The following FHIT variants were observed in gnomAD, a reference collection of about 807,000 sequenced individuals.
FHIT encodes bis(5'-adenosyl)-triphosphatase.
A neutral mutation model predicts 17.9 loss-of-function variants in FHIT; 19 were observed. The observed-to-expected ratio is 1.06, with a 90% CI of 0.74 to 1.56. The LOEUF is 1.56. Ranked by LOEUF, FHIT falls within the 40% of genes most tolerant of loss-of-function variation. The pLI is 0.00. For synonymous variants in FHIT, 81 were observed against 69.7 expected (o/e 1.16, Z -0.81); for missense variants, 248 against 189.2 (o/e 1.31, Z -1.82).
rs2106891079 is a variant in FHIT, at chr3:60,846,776, T to C, written c.-110-24765A>G. On this transcript the variant is annotated intron_variant, in intron 3 of 9. Transcript: ENST00000492590. The stretch of plus-strand genomic sequence containing the variant: ...ATTCACATTTCATAACTTGGACATA[T>C]GCATTAATGGATGTATTTGTCATTG... Among the ~76,000 whole-genome samples, 2 of 152,270 alleles carry C rather than the reference T, an allele frequency of 1.3e-5. 1 individual carries two copies. The highest frequency in any genetic ancestry group is 4.1e-4 in the South Asian group (2 of 4,820).
rs1437843488 is a variant in FHIT at position 59,747,552 on chromosome 3, G to GGTAT, written c.*2029_*2032dup. On this transcript the variant is annotated 3_prime_UTR_variant, in exon 10 of 10. Transcript: ENST00000492590. ...GGGAAACAGCCAAATCGTATAACTAGGTATGTCCACCCCAAACATTAAGTC... is the reference window on the plus strand; with the variant it reads ...GGGAAACAGCCAAATCGTATAACTAGGTATGTATGTCCACCCCAAACATTAAGTC... Among the ~76,000 whole-genome samples, 3 of 152,020 alleles carry GGTAT rather than the reference G, an allele frequency of 2.0e-5. No individual in the cohort carries two copies. Among genetic ancestry groups the GGTAT allele is most frequent in the African/African-American group, 7.2e-5 (3 of 41,396 alleles).
chr3:60,219,706 C>T (rs1422444056), intron 5 of FHIT, among the ~76,000 whole-genome samples: 1 of 152,084 alleles, frequency 6.6e-6, no homozygotes, highest in Non-Finnish European at 1.5e-5. Flanking sequence ...ATCTGTTTCT[C>T]CTCAAAGCTT....
In FHIT at chr3:61,125,701, A is replaced by G. The variant is rs570398808; in HGVS notation, c.-164+74916T>C. On this transcript the variant is annotated intron_variant, in intron 2 of 9. Transcript: ENST00000492590. ...AATTAGGTTTAAACTGTCTAAAACTATGTGCTCAAGTGTCCCCTTTTACAT... is the reference window on the plus strand; with the variant it reads ...AATTAGGTTTAAACTGTCTAAAACTGTGTGCTCAAGTGTCCCCTTTTACAT... 1.0e-3 allele frequency among the ~76,000 whole-genome samples: 153 copies of G among 152,320 alleles called. 3 individuals carry two copies. The highest frequency in any genetic ancestry group is 8.5e-4 in the Admixed American group (13 of 15,294).
chr3:61,162,832 C>A (rs1304426362), intron 2 of FHIT, among the ~76,000 whole-genome samples: 1 of 152,108 alleles, frequency 6.6e-6, no homozygotes, highest in African/African-American at 2.4e-5. Flanking sequence ...CAGTTTTGCC[C>A]TCCATTTGTA....
intron 4 of FHIT, among the ~76,000 whole-genome samples, chr3:60,674,858 T>C (rs956458746): frequency 1.3e-5 from 2 of 152,192 alleles, no homozygotes; most frequent in Admixed American, 1.3e-4. Flanking sequence ...CTTCAGACAA[T>C]GACCTGCAAA....
intron 8 of FHIT, among the ~76,000 whole-genome samples, chr3:59,837,048 GAAAAA>G (rs559593738): frequency 9.7e-4 from 148 of 151,920 alleles, no homozygotes; most frequent in Non-Finnish European, 1.4e-3. Context: ...TTTTCTGTGA[GAAAAA>G]AAAGAGTTCA....
intron 4 of FHIT, among the ~76,000 whole-genome samples, chr3:60,764,383 C>T (rs1363494796): frequency 6.6e-6 from 1 of 152,128 alleles, no homozygotes; most frequent in African/African-American, 2.4e-5. Flanking sequence ...TCAATTTCAT[C>T]ATGAAATAGG....
chr3:60,565,012 C>T lies in FHIT; in HGVS notation c.-17-28033G>A, dbSNP rs150767258. Among the ~76,000 whole-genome samples the T allele has an allele frequency of 4.6e-3, 697 of 152,200 alleles. 6 individuals carry two copies. Among genetic ancestry groups the T allele is most frequent in the African/African-American group, 0.016 (647 of 41,536 alleles). On this transcript the variant is annotated intron_variant, in intron 4 of 9. Coordinates refer to ENST00000492590, the MANE Select transcript of FHIT (RefSeq NM_002012.4). ...AAACTTCATTTTTATTGTAAGAAAT[C>T]GCCACAACCACCCAACTTTCAGCAA... is the stretch of plus-strand genomic sequence containing the variant.
chr3:60,037,919 G>A (rs554618870), intron 5 of FHIT, among the ~76,000 whole-genome samples: 63 of 152,026 alleles, frequency 4.1e-4, no homozygotes, highest in African/African-American at 1.5e-3. Context: ...TCATTGTATT[G>A]CCCAGGCTGG....
intron 4 of FHIT, among the ~76,000 whole-genome samples, chr3:60,642,705 G>C (rs1553685666): frequency 6.6e-6 from 1 of 152,106 alleles, no homozygotes; most frequent in African/African-American, 2.4e-5. Flanking sequence ...GATCAGATGG[G>C]AGAGGAGTAT....
At chr3:60,981,357 T>C (rs1028498488) in intron 3 of FHIT, among the ~76,000 whole-genome samples, 1 of 146,778 alleles carries the variant, frequency 6.8e-6, no homozygotes, top group East Asian at 2.0e-4. Flanking sequence ...CAGGCTGGAG[T>C]GCAGTAGCGT....
At chr3:59,874,106 C>G (rs947313900) in intron 8 of FHIT, among the ~76,000 whole-genome samples, 2 of 152,034 alleles carry the variant, frequency 1.3e-5, no homozygotes, top group Non-Finnish European at 2.9e-5. Flanking sequence ...ATCCTCGCCT[C>G]TCAAAAAAGA....
chr3:59,830,397 A>G (rs950171654), intron 8 of FHIT, among the ~76,000 whole-genome samples: 5 of 152,234 alleles, frequency 3.3e-5, no homozygotes, highest in Non-Finnish European at 7.3e-5. Context: ...GAACATTTTC[A>G]GGCACTCAGA....
At chr3:61,194,397 A>G (rs2038798571) in intron 2 of FHIT, among the ~76,000 whole-genome samples, 1 of 152,018 alleles carries the variant, frequency 6.6e-6, no homozygotes, top group Non-Finnish European at 1.5e-5. Flanking sequence ...AAGGTACCAT[A>G]CTTTGGGGGA....
intron 4 of FHIT, among the ~76,000 whole-genome samples, chr3:60,763,085 G>T (rs1433388194): frequency 6.6e-6 from 1 of 152,154 alleles, no homozygotes; most frequent in Non-Finnish European, 1.5e-5. Context: ...CTGTGTAACT[G>T]TGTAGGTGTC....
chr3:61,037,037 G>C (rs1033211327), intron 3 of FHIT, among the ~76,000 whole-genome samples: 1 of 151,526 alleles, frequency 6.6e-6, no homozygotes, highest in Non-Finnish European at 1.5e-5. Context: ...TCAGCCTCTC[G>C]AGTACTTGGG....
chr3:60,828,973 T>C (rs1702220599), intron 3 of FHIT, among the ~76,000 whole-genome samples: 1 of 152,088 alleles, frequency 6.6e-6, no homozygotes, highest in African/African-American at 2.4e-5. Flanking sequence ...ACCTGAAGGA[T>C]GAGAAGGAGA....
chr3:59,852,597 G>A (rs1233917177), intron 8 of FHIT, among the ~76,000 whole-genome samples: 4 of 152,140 alleles, frequency 2.6e-5, no homozygotes, highest in Non-Finnish European at 4.4e-5. Context: ...TTGGGTAAAT[G>A]TATAATGGCA....
intron 5 of FHIT, among the ~76,000 whole-genome samples, chr3:60,084,959 C>T (rs1355279332): frequency 6.6e-6 from 1 of 152,074 alleles, no homozygotes; most frequent in Non-Finnish European, 1.5e-5. Context: ...AAGGCAGAGA[C>T]CATGTCTTCT....
Sources: gnomAD v4.1 joint callset for allele counts (sites outside exome capture counted in the v4.1 genomes callset) on GRCh38, gnomAD v4.1.1 for gene constraint, MANE v1.5 for transcripts, NCBI Gene and HGNC (gene_info 2026-07-23, HGNC 2026-07-21) for gene names.